Variants in KLHL1 observed in about 807,000 individuals in gnomAD.
The protein encoded by KLHL1 is kelch like family member 1.
Under a neutral mutation model 77.7 loss-of-function variants are expected in KLHL1, and 47 were observed. That is an observed-to-expected ratio of 0.60 (90% CI 0.48 to 0.77). The LOEUF (loss-of-function observed/expected upper bound fraction) is 0.77. KLHL1 is among the 30% of genes least tolerant of loss of function. The pLI is 0.00. For synonymous variants in KLHL1, 360 were observed against 325.2 expected, an observed-to-expected ratio of 1.11 and a Z score of -1.15; for missense variants, 925 against 910.8, an observed-to-expected ratio of 1.02 and a Z score of -0.20.
chr13:69,854,120 T>C (rs779184198), intron 5 of KLHL1, among the ~76,000 whole-genome samples: 6 of 152,112 alleles, frequency 3.9e-5, no homozygotes, highest in Non-Finnish European at 7.4e-5. Context: ...CTTGTAATGC[T>C]ATTAATTTAT....
chr13:69,740,496 A>G lies in KLHL1; in HGVS notation c.1700T>C (p.Leu567Pro). The G allele has an allele frequency of 6.2e-7, 1 of 1,613,054 alleles. No homozygotes were observed. The highest frequency in any genetic ancestry group is 8.5e-7 in the Non-Finnish European group (1 of 1,179,198). ...AVGGHDGWSY[L>P]NTVERWDPQS... Reference sequence around the variant, plus strand: ...TGGATCCCACCTTTCCACTGTATTCAGATAGCTCCAGCCATCATGGCCTCC... The same window carrying G: ...TGGATCCCACCTTTCCACTGTATTCGGATAGCTCCAGCCATCATGGCCTCC... Residue 567 changes from leucine to proline, a missense_variant, in exon 8 of 11, where the codon CTG (leucine) becomes CCG (proline). By Grantham distance (98) the Leu-to-Pro change is moderately conservative. Coordinates refer to ENST00000377844, the MANE Select transcript of KLHL1 (RefSeq NM_020866.3).
chr13:70,033,388 C>A (rs560439037), intron 1 of KLHL1, among the ~76,000 whole-genome samples: 222 of 152,182 alleles, frequency 1.5e-3, no homozygotes, highest in Middle Eastern at 3.4e-3. Context: ...CTCCCGGGTT[C>A]ACACCATTCT....
At chr13:69,858,716 T>C (rs1453954489) in intron 5 of KLHL1, among the ~76,000 whole-genome samples, 3 of 152,046 alleles carry the variant, frequency 2.0e-5, no homozygotes, top group African/African-American at 7.2e-5. Context: ...TTGATAAAGA[T>C]ATTCAATGTA....
At chr13:69,746,859 T>C (rs1874237692) in intron 7 of KLHL1, among the ~76,000 whole-genome samples, 1 of 152,018 alleles carries the variant, frequency 6.6e-6, no homozygotes, top group South Asian at 2.1e-4. Context: ...TGTCTAGAAC[T>C]TTTCTGTCTA....
intron 3 of KLHL1, among the ~76,000 whole-genome samples, chr13:69,953,807 C>G (rs1883786182): frequency 1.3e-5 from 2 of 150,994 alleles, no homozygotes; most frequent in African/African-American, 4.8e-5. Context: ...AAGTGAATAT[C>G]CTCTCCCAGT....
chr13:70,031,044 G>A (rs1240931216), intron 1 of KLHL1, among the ~76,000 whole-genome samples: 1 of 152,068 alleles, frequency 6.6e-6, no homozygotes, highest in East Asian at 1.9e-4. Context: ...ACTAAACCAG[G>A]AAGAAGTTGA....
chr13:69,916,520 C>T (rs534300669), intron 4 of KLHL1, among the ~76,000 whole-genome samples: 1 of 151,190 alleles, frequency 6.6e-6, no homozygotes, highest in South Asian at 2.1e-4. Flanking sequence ...TGTTCTCACT[C>T]ATAGGTGGGA....
chr13:70,046,774 A>G (rs984363647), intron 1 of KLHL1, among the ~76,000 whole-genome samples: 1 of 152,002 alleles, frequency 6.6e-6, no homozygotes, highest in African/African-American at 2.4e-5. Flanking sequence ...TCGGCCTTCC[A>G]AAGTGCTGGA....
chr13:69,796,892 T>C lies in KLHL1; in HGVS notation c.1485A>G (p.Arg495=). The change falls in exon 7 of 11, where the codon AGA becomes AGG. Residue 495 remains arginine, a synonymous_variant. Coordinates refer to ENST00000377844, the MANE Select transcript of KLHL1 (RefSeq NM_020866.3). ...TAACAGCCACACCAAACTGCAGCCT[T>C]CTGCCATTCATCATCCCTGCCTGGA... ...LWIQAGMMNG[R]RLQFGVAVID... 1 of 1,614,154 alleles carries C rather than the reference T, an allele frequency of 6.2e-7. No homozygotes were observed.
intron 1 of KLHL1, among the ~76,000 whole-genome samples, chr13:70,095,854 C>T (rs1471457023): frequency 6.6e-6 from 1 of 151,584 alleles, no homozygotes; most frequent in Non-Finnish European, 1.5e-5. Flanking sequence ...CTCGCTAATA[C>T]TCTTTCCAGA....
intron 4 of KLHL1, among the ~76,000 whole-genome samples, chr13:69,896,796 G>T (rs1881660402): frequency 1.3e-5 from 2 of 151,594 alleles, no homozygotes; most frequent in Admixed American, 1.3e-4. Context: ...AGCCTCCTGA[G>T]TAGCTGGGAC....
At chr13:69,714,942 A>G (rs1029613650) in intron 9 of KLHL1, among the ~76,000 whole-genome samples, 1 of 152,080 alleles carries the variant, frequency 6.6e-6, no homozygotes, top group Admixed American at 6.6e-5. Flanking sequence ...TTATTCGTGC[A>G]TATTTGTATT....
intron 5 of KLHL1, among the ~76,000 whole-genome samples, chr13:69,844,795 A>G (rs1011518176): frequency 5.9e-5 from 9 of 151,562 alleles, no homozygotes; most frequent in African/African-American, 2.2e-4. Context: ...TTAAGACAAC[A>G]AACATCACAG....
intron 1 of KLHL1, among the ~76,000 whole-genome samples, chr13:69,993,035 A>G (rs1885064628): frequency 6.6e-6 from 1 of 152,032 alleles, no homozygotes; most frequent in African/African-American, 2.4e-5. Context: ...AAGCAGGCCT[A>G]ATCATTTTTA....
At chr13:69,709,246 C>T (rs1472005351) in intron 9 of KLHL1, among the ~76,000 whole-genome samples, 1 of 151,978 alleles carries the variant, frequency 6.6e-6, no homozygotes, top group Non-Finnish European at 1.5e-5. Context: ...AACACAAGTA[C>T]ACAACCTATG....
intron 1 of KLHL1, among the ~76,000 whole-genome samples, chr13:69,987,695 T>C (rs1321545499): frequency 1.3e-5 from 2 of 152,030 alleles, no homozygotes; most frequent in African/African-American, 4.8e-5. Flanking sequence ...ACACTAAAGA[T>C]TTGTTTTGGC....
chr13:69,962,417 CT>C (rs1884093178), intron 2 of KLHL1, among the ~76,000 whole-genome samples: 1 of 151,984 alleles, frequency 6.6e-6, no homozygotes, highest in South Asian at 2.1e-4. Context: ...ATTCTTTTGA[CT>C]TATTCCTGTT....
At chr13:69,763,514 C>T (rs995839147) in intron 7 of KLHL1, among the ~76,000 whole-genome samples, 7 of 152,110 alleles carry the variant, frequency 4.6e-5, no homozygotes, top group East Asian at 1.9e-4. Flanking sequence ...ATATCAAATG[C>T]GCTCTCTTTG....
chr13:69,794,863 G>A (rs1408109483), intron 7 of KLHL1, among the ~76,000 whole-genome samples: 5 of 152,012 alleles, frequency 3.3e-5, no homozygotes, highest in Admixed American at 3.3e-4. Flanking sequence ...CTCAGGAAAG[G>A]ATAAAGACAA....
Sources: gnomAD v4.1 joint callset for allele counts (sites outside exome capture counted in the v4.1 genomes callset) on GRCh38, gnomAD v4.1.1 for gene constraint, MANE v1.5 for transcripts, NCBI Gene and HGNC (gene_info 2026-07-23, HGNC 2026-07-21) for gene names.